Variants in ADCY2 observed in about 807,000 individuals in gnomAD.
ADCY2 encodes the protein adenylate cyclase type 2.
ADCY2 carries 31 observed loss-of-function variants against 125.2 expected under a neutral mutation model. The ratio of observed to expected loss-of-function variants is 0.25; its 90% CI spans 0.19 to 0.33. The LOEUF is 0.33. ADCY2 is among the 10% of genes least tolerant of loss of function. The pLI, the probability that ADCY2 is intolerant of heterozygous loss-of-function variation, is 1.00. For synonymous variants in ADCY2, 512 were observed against 548.4 expected, an observed-to-expected ratio of 0.93 and a Z score of 0.93; for missense variants, 904 against 1,418.2, an observed-to-expected ratio of 0.64 and a Z score of 5.82.
chr5:7,419,291 G>A (rs527829931), intron 2 of ADCY2, among the ~76,000 whole-genome samples: 1 of 152,204 alleles, frequency 6.6e-6, no homozygotes, highest in Non-Finnish European at 1.5e-5. Context: ...AGCCGTTATC[G>A]CTGTGATTAG....
chr5:7,630,356 G>A (rs1341058036), intron 4 of ADCY2, among the ~76,000 whole-genome samples: 2 of 152,142 alleles, frequency 1.3e-5, no homozygotes, highest in African/African-American at 4.8e-5. Context: ...TGTTTTGCAA[G>A]GTGAAGAGTT....
At chr5:7,626,465 G>T in intron 4 of ADCY2, 149 bp downstream of exon 4, 1 of 866,492 alleles carries the variant, frequency 1.2e-6, no homozygotes, top group Non-Finnish European at 1.7e-6. Context: ...GAGTGTCTTA[G>T]TCTGCTTAGT....
At chr5:7,497,855 A>G (rs946351198) in intron 2 of ADCY2, among the ~76,000 whole-genome samples, 3 of 152,194 alleles carry the variant, frequency 2.0e-5, no homozygotes, top group Non-Finnish European at 2.9e-5. Context: ...TTTCAGTAGC[A>G]CCAGACTGAA....
At chr5:7,416,344 C>G (rs1739944377) in intron 2 of ADCY2, among the ~76,000 whole-genome samples, 1 of 152,206 alleles carries the variant, frequency 6.6e-6, no homozygotes, top group African/African-American at 2.4e-5. Context: ...CTTTATCACT[C>G]TCCCACTAGA....
At chr5:7,567,991 T>C (rs894080918) in intron 3 of ADCY2, among the ~76,000 whole-genome samples, 1 of 152,056 alleles carries the variant, frequency 6.6e-6, no homozygotes, top group Non-Finnish European at 1.5e-5. Flanking sequence ...TTAACTGCCT[T>C]CTTGTTGTGT....
At chr5:7,557,965 C>G (rs1735579897) in intron 3 of ADCY2, among the ~76,000 whole-genome samples, 1 of 152,138 alleles carries the variant, frequency 6.6e-6, no homozygotes, top group African/African-American at 2.4e-5. Flanking sequence ...TGGTTGAACT[C>G]ATTTACACTC....
In ADCY2 at chr5:7,828,775, C is replaced by G. The variant is rs568356757; in HGVS notation, c.*1904C>G. The G allele has an allele frequency of 1.9e-4, 29 of 152,412 alleles. No individual in the cohort carries two copies. The highest frequency in any genetic ancestry group is 6.5e-4 in the African/African-American group (27 of 41,560). 9.4% of individuals were successfully genotyped at this position (152,412 alleles called of 1,614,324 possible). A position where few individuals can be genotyped will look rare whatever the true frequency, so the allele number is the denominator to read the frequency against. ...AGCGTTTCCGTGAGCTCAAACTGGCCTTGGTGTAAAATGTGTAAGGATGAG... is the reference window on the plus strand; with the variant it reads ...AGCGTTTCCGTGAGCTCAAACTGGCGTTGGTGTAAAATGTGTAAGGATGAG... On this transcript the variant is annotated 3_prime_UTR_variant, in exon 25 of 25. Transcript: ENST00000338316.
intron 2 of ADCY2, among the ~76,000 whole-genome samples, chr5:7,442,389 AT>A (rs1741045618): frequency 6.6e-6 from 1 of 152,080 alleles, no homozygotes; most frequent in African/African-American, 2.4e-5. Flanking sequence ...TGTACTGAAT[AT>A]GTTCTGTAAA....
At chr5:7,771,005 T>C (rs1743539356) in intron 17 of ADCY2, among the ~76,000 whole-genome samples, 1 of 152,238 alleles carries the variant, frequency 6.6e-6, no homozygotes, top group Admixed American at 6.5e-5. Flanking sequence ...CAAGTTTCTA[T>C]CCACATTCTG....
At chr5:7,491,976 C>T (rs896308175) in intron 2 of ADCY2, among the ~76,000 whole-genome samples, 3 of 152,222 alleles carry the variant, frequency 2.0e-5, no homozygotes, top group Admixed American at 6.5e-5. Flanking sequence ...TGTTGCACAG[C>T]ACTGAGTAAC....
chr5:7,745,820 G>A (rs1045820504), intron 15 of ADCY2, among the ~76,000 whole-genome samples: 8 of 152,256 alleles, frequency 5.3e-5, no homozygotes, highest in African/African-American at 9.6e-5. Context: ...TGGATATGGG[G>A]GCATGTGGTA....
intron 2 of ADCY2, among the ~76,000 whole-genome samples, chr5:7,515,840 T>C (rs1275344034): frequency 6.6e-6 from 1 of 152,172 alleles, no homozygotes; most frequent in Non-Finnish European, 1.5e-5. Context: ...CTTACCCATG[T>C]CAAGGGAGAA....
intron 11 of ADCY2, among the ~76,000 whole-genome samples, chr5:7,715,502 C>G (rs1741567146): frequency 6.7e-6 from 1 of 149,986 alleles, no homozygotes. Context: ...CAGGTCTCAG[C>G]TATAAATGAG....
At chr5:7,496,469 G>A (rs546616545) in intron 2 of ADCY2, among the ~76,000 whole-genome samples, 39 of 152,068 alleles carry the variant, frequency 2.6e-4, no homozygotes, top group Non-Finnish European at 5.1e-4. Flanking sequence ...ACTAATTGTG[G>A]CTATTACACA....
intron 2 of ADCY2, among the ~76,000 whole-genome samples, chr5:7,476,813 C>T (rs1399543607): frequency 2.0e-5 from 3 of 152,168 alleles, no homozygotes; most frequent in African/African-American, 7.2e-5. Context: ...AAGTCAATGT[C>T]TTGTTTTCTA....
chr5:7,728,038 T>TA (rs1324356454), intron 14 of ADCY2, among the ~76,000 whole-genome samples: 1 of 152,110 alleles, frequency 6.6e-6, no homozygotes, highest in African/African-American at 2.4e-5. Context: ...AATTTTAAGA[T>TA]AGATTTTTTT....
chr5:7,681,933 G>A (rs998255428), intron 4 of ADCY2, among the ~76,000 whole-genome samples: 3 of 152,082 alleles, frequency 2.0e-5, no homozygotes, highest in Non-Finnish European at 4.4e-5. Flanking sequence ...CCTTTTTCCT[G>A]GGTAAAGTTT....
chr5:7,548,154 A>C (rs982748816), intron 3 of ADCY2, among the ~76,000 whole-genome samples: 1 of 152,138 alleles, frequency 6.6e-6, no homozygotes, highest in African/African-American at 2.4e-5. Context: ...CAAACATATC[A>C]TGTCAGTTTT....
At chr5:7,596,565 G>A (rs1283900515) in intron 3 of ADCY2, among the ~76,000 whole-genome samples, 1 of 152,166 alleles carries the variant, frequency 6.6e-6, no homozygotes, top group African/African-American at 2.4e-5. Flanking sequence ...GGGAGCTCTG[G>A]AGTCAGGCTG....
Sources: gnomAD v4.1 joint callset for allele counts (sites outside exome capture counted in the v4.1 genomes callset) on GRCh38, gnomAD v4.1.1 for gene constraint, MANE v1.5 for transcripts, NCBI Gene and HGNC (gene_info 2026-07-23, HGNC 2026-07-21) for gene names.